CELF3: variants seen among roughly 807,000 people sequenced by gnomAD.
CELF3 encodes the protein CUGBP Elav-like family member 3.
A neutral mutation model predicts 59.6 loss-of-function variants in CELF3; 26 were observed. The observed-to-expected ratio is 0.44, with a 90% CI of 0.32 to 0.61. The LOEUF (loss-of-function observed/expected upper bound fraction) is 0.61, where lower values mean the gene tolerates loss of function less well. CELF3 is among the 20% of genes least tolerant of loss of function. CELF3 has a pLI of 0.06. For synonymous variants in CELF3, 245 were observed against 250.7 expected, an observed-to-expected ratio of 0.98 and a Z score of 0.22; for missense variants, 387 against 627.2, an observed-to-expected ratio of 0.62 and a Z score of 4.09.
intron 9 of CELF3, 50 bp downstream of exon 9, chr1:151,706,619 C>G (rs1672566110): frequency 6.5e-7 from 1 of 1,531,996 alleles, no homozygotes; most frequent in Admixed American, 2.0e-5. Flanking sequence ...GCCTCTTTTC[C>G]TCCTGCCACC....
chr1:151,712,202 C>T (rs1673081275), intron 2 of CELF3, among the ~76,000 whole-genome samples: 1 of 152,178 alleles, frequency 6.6e-6, no homozygotes, highest in Non-Finnish European at 1.5e-5. Context: ...TAGTTACTAC[C>T]CACCAGGTGA....
chr1:151,715,888 C>T lies in CELF3; in HGVS notation c.133G>A (p.Gly45Arg). ...CCCGACCCCTCACCCTTGTGCAGCC[C>T]GGTGTACTTGTCCTTGATGACAGTC... ...ELTVIKDKYT[G>R]LHKGCAFLTY... is the part of the protein sequence containing the mutation. Residue 45 changes from glycine to arginine, a missense_variant, in exon 1 of 13, where the codon GGG (glycine) becomes AGG (arginine). Coordinates refer to ENST00000290583, the MANE Select transcript of CELF3 (RefSeq NM_007185.7). 6.2e-7 allele frequency: 1 copy of T among 1,613,782 alleles called. No homozygotes were observed. Among genetic ancestry groups the T allele is most frequent in the Non-Finnish European group, 8.5e-7 (1 of 1,179,786 alleles).
rs1023160466 is a variant in CELF3 at position 151,709,596 on chromosome 1, G to A, written c.277+147C>T. 9.2e-6 allele frequency: 9 copies of A among 979,528 alleles called. No individual in the cohort carries two copies. The highest frequency in any genetic ancestry group is 1.3e-5 in the Non-Finnish European group (8 of 625,210). 60.7% of individuals were successfully genotyped at this position (979,528 alleles called of 1,614,324 possible). ...ACCCGCCCCAGATCTCACCCGCTCT[G>A]GCCACACTGACTCCTATCTCACCGC... On this transcript the variant is annotated intron_variant, in intron 3 of 12. Coordinates refer to ENST00000290583, the MANE Select transcript of CELF3 (RefSeq NM_007185.7). The surrounding 1 kb of genome is among the most constrained non-coding windows in gnomAD (Gnocchi z 4.9).
intron 2 of CELF3, among the ~76,000 whole-genome samples, chr1:151,712,182 C>A (rs1558108848): frequency 1.3e-5 from 2 of 152,176 alleles, no homozygotes; most frequent in Non-Finnish European, 2.9e-5. Context: ...GGCGCAGCAC[C>A]TTTCCTCCCT....
In CELF3 at chr1:151,709,209, G is replaced by T; in HGVS notation, c.406+11C>A. On this transcript the variant is annotated intron_variant, in intron 4 of 12. Coordinates refer to ENST00000290583, the MANE Select transcript of CELF3 (RefSeq NM_007185.7). The surrounding 1 kb of genome is among the most constrained non-coding windows in gnomAD (Gnocchi z 4.9). Reference sequence around the variant, plus strand: ...AGGGCCCGGTGGGGAAGGGGGAAGTGGGTGGACTACCTTTGCTGGTGCCAT... The same window carrying T: ...AGGGCCCGGTGGGGAAGGGGGAAGTTGGTGGACTACCTTTGCTGGTGCCAT... The T allele has an allele frequency of 6.2e-7, 1 of 1,613,068 alleles. No homozygotes were observed. The highest frequency in any genetic ancestry group is 1.7e-5 in the Admixed American group (1 of 60,012).
At chr1:151,715,521 C>T (rs1006009343) in intron 1 of CELF3, 8 of 882,534 alleles carry the variant, frequency 9.1e-6, no homozygotes, top group African/African-American at 1.7e-5. Context: ...TTGCTGCACA[C>T]GCACACACAC....
rs1285881812 is a variant in CELF3, at chr1:151,705,720, A to G, written c.1270+102T>C. 2.3e-6 allele frequency: 3 copies of G among 1,300,100 alleles called. No homozygotes were observed. Among genetic ancestry groups the G allele is most frequent in the Non-Finnish European group, 3.2e-6 (3 of 929,442 alleles). 80.5% of individuals were successfully genotyped at this position (1,300,100 alleles called of 1,614,324 possible). ...TCTTTTGTACTCTTGGATAATCAGT[A>G]TTTCAAATACTGGGTCCACTGTGAC... On this transcript the variant is annotated intron_variant, in intron 11 of 12. Transcript: ENST00000290583. The surrounding 1 kb of genome is among the most constrained non-coding windows in gnomAD (Gnocchi z 5.1).
intron 5 of CELF3, 113 bp downstream of exon 5, chr1:151,708,885 C>G: frequency 1.0e-6 from 1 of 969,454 alleles, no homozygotes; most frequent in East Asian, 2.5e-5. Context: ...CCAGGACATT[C>G]CTTTCCAATA....
intron 7 of CELF3, 43 bp downstream of exon 7, chr1:151,707,464 C>G: frequency 1.9e-6 from 3 of 1,606,014 alleles, no homozygotes; most frequent in East Asian, 4.5e-5. Flanking sequence ...CTCCCTACCC[C>G]TACCATGCTT....
rs545693544 is a variant in CELF3, at chr1:151,701,961, C to A, written c.*1498G>T. On this transcript the variant is annotated 3_prime_UTR_variant, in exon 13 of 13. Coordinates refer to ENST00000290583, the MANE Select transcript of CELF3 (RefSeq NM_007185.7). ...AAAATAAATAAACTATAGCCTGCCT[C>A]ACAAGGTTGTTAGGAGGTAAAATGA... Among the ~76,000 whole-genome samples the A allele has an allele frequency of 6.6e-6, 1 of 152,282 alleles. No homozygotes were observed. The highest frequency in any genetic ancestry group is 2.1e-4 in the South Asian group (1 of 4,824).
chr1:151,704,958 G>A, intron 12 of CELF3, 73 bp downstream of exon 12: 2 of 1,497,396 alleles, frequency 1.3e-6, no homozygotes, highest in East Asian at 2.3e-5. Context: ...GGGGTTGGGG[G>A]TGTAGTCCAA....
In CELF3 at chr1:151,714,630, G is replaced by A; in HGVS notation, c.192C>T (p.Ala64=). ...TCTTCTGTTCGTGCAGGGCGCTCTG[G>A]GCCTTCAGGGCTGAATCCCGGGCAC... is the stretch of plus-strand genomic sequence containing the variant. ...TYCARDSALK[A]QSALHEQKTL... is the part of the protein sequence containing the mutation. Residue 64 remains alanine, a synonymous_variant, in exon 2 of 13, where the codon GCC becomes GCT. Transcript: ENST00000290583. 1.3e-6 allele frequency: 2 copies of A among 1,560,944 alleles called. No homozygotes were observed. Among genetic ancestry groups the A allele is most frequent in the Non-Finnish European group, 1.7e-6 (2 of 1,152,236 alleles).
At position 151,709,888 on chromosome 1, in the gene CELF3, C is replaced by G; in HGVS notation, c.229-97G>C. ...CTGCAGAGAGACTAGAGGGGCAAGC[C>G]CCAGGCCCTCTAAGTTTCTGATGGG... On this transcript the variant is annotated intron_variant, in intron 2 of 12. Transcript: ENST00000290583. This position sits in a 1 kb window ranked among gnomAD's most constrained non-coding sequence, Gnocchi z 4.9. 1 of 1,157,664 alleles carries G rather than the reference C, an allele frequency of 8.6e-7. No individual in the cohort carries two copies. 71.7% of individuals were successfully genotyped at this position (1,157,664 alleles called of 1,614,324 possible).
intron 2 of CELF3, chr1:151,711,113 C>T: frequency 3.2e-6 from 1 of 317,238 alleles, no homozygotes; most frequent in South Asian, 2.7e-5. Context: ...ACTAGCCCTG[C>T]CCTGCCACTT....
chr1:151,712,547 G>A (rs895696874), intron 2 of CELF3, among the ~76,000 whole-genome samples: 1 of 152,186 alleles, frequency 6.6e-6, no homozygotes, highest in African/African-American at 2.4e-5. Flanking sequence ...GAAGGGGGAA[G>A]AGCTGGACAG....
chr1:151,706,007 G>A, intron 10 of CELF3, 42 bp from the exon 11 acceptor site: 1 of 1,611,338 alleles, frequency 6.2e-7, no homozygotes, highest in Non-Finnish European at 8.5e-7. Flanking sequence ...CAGTGACTGG[G>A]AGGCACACAC....
rs780316919 is a variant in CELF3 at position 151,705,101 on chromosome 1, G to A, written c.1338C>T (p.Ile446=). 6.2e-7 allele frequency: 1 copy of A among 1,614,004 alleles called. No individual in the cohort carries two copies. Among genetic ancestry groups the A allele is most frequent in the Non-Finnish European group, 8.5e-7 (1 of 1,179,908 alleles). ...AAIQAMNGFQ[I]GMKRLKVQLK... is the part of the protein sequence containing the mutation. ...GCTGGACTTTGAGGCGCTTCATGCCGATCTGGAAGCCATTCATGGCCTGGA... is the reference window on the plus strand; with the variant it reads ...GCTGGACTTTGAGGCGCTTCATGCCAATCTGGAAGCCATTCATGGCCTGGA... The change falls in exon 12 of 13, where the codon ATC becomes ATT. Residue 446 remains isoleucine (I), a synonymous_variant. Transcript: ENST00000290583. This position sits in a 1 kb window ranked among gnomAD's most constrained non-coding sequence, Gnocchi z 5.1.
At chr1:151,708,019 A>AC in intron 5 of CELF3, 84 bp from the exon 6 acceptor site, 3 of 1,467,176 alleles carry the variant, frequency 2.0e-6, no homozygotes, top group Admixed American at 4.4e-5. Flanking sequence ...TCTCCATTCC[A>AC]CCCCCATGGC....
intron 2 of CELF3, chr1:151,713,678 G>T (rs1237346086): frequency 6.6e-6 from 1 of 152,402 alleles, no homozygotes; most frequent in African/African-American, 2.4e-5. Flanking sequence ...CGCTCGCCTT[G>T]GGTCCTGCAG....
Sources: allele counts gnomAD v4.1 joint callset (sites outside exome capture counted in the v4.1 genomes callset), GRCh38; gene constraint gnomAD v4.1.1; non-coding constraint Gnocchi (gnomAD v3.1); transcripts MANE v1.5; gene names NCBI Gene and HGNC (gene_info 2026-07-23, HGNC 2026-07-21).